The following CYP2C19 variants were observed in gnomAD, a reference collection of about 807,000 sequenced individuals.
CYP2C19 encodes the protein cytochrome P450 2C19.
A neutral mutation model predicts 40.9 loss-of-function variants in CYP2C19; 59 were observed. The ratio of observed to expected loss-of-function variants is 1.44; its 90% CI spans 1.17 to 1.79. The LOEUF (loss-of-function observed/expected upper bound fraction) is 1.79. CYP2C19 is among the 40% of genes most tolerant of loss of function. The pLI is 0.00. For synonymous variants in CYP2C19, 253 were observed against 208.7 expected (o/e 1.21, Z -1.83); for missense variants, 754 against 596.9 (o/e 1.26, Z -2.74).
chr10:94,843,085 G>C (rs1004971142), intron 7 of CYP2C19, 61 bp downstream of exon 7: 55 of 1,588,616 alleles, frequency 3.5e-5, no homozygotes, highest in Non-Finnish European at 4.6e-5. Context: ...TTCACAGTAT[G>C]ATTCTTACCC....
intron 5 of CYP2C19, among the ~76,000 whole-genome samples, chr10:94,814,341 T>A: frequency 6.6e-6 from 1 of 152,276 alleles, no homozygotes; most frequent in South Asian, 2.1e-4. Flanking sequence ...TGAGAGTTAT[T>A]ATGTCCCTTT....
rs189196673 is a variant in CYP2C19 at position 94,779,804 on chromosome 10, C to A, written c.482-695C>A. Among the ~76,000 whole-genome samples, 62 of 152,246 alleles carry A rather than the reference C, an allele frequency of 4.1e-4. 1 individual carries two copies. In the East Asian group the frequency reaches 0.011, roughly 28 times the overall value. On this transcript the variant is annotated intron_variant, in intron 3 of 8. Transcript: ENST00000371321. ...TGAACTCCTGACCTCAGGTGATCCA[C>A]CTGCCTTGGCCTCCCAAAGTGCTGG...
At chr10:94,816,557 A>T (rs147888698) in intron 5 of CYP2C19, among the ~76,000 whole-genome samples, 1,862 of 152,100 alleles carry the variant, frequency 0.012, 16 homozygotes, top group Non-Finnish European at 0.021. Context: ...TTACAAAAAC[A>T]TAAGGAAAAT....
chr10:94,846,077 T>A (rs1201664368), intron 7 of CYP2C19, among the ~76,000 whole-genome samples: 4 of 152,154 alleles, frequency 2.6e-5, no homozygotes, highest in Non-Finnish European at 4.4e-5. Flanking sequence ...AGCTTATATT[T>A]AAAATTTCCC....
Position 94,820,644 on chromosome 10 carries a change from T to A in CYP2C19, c.961+7T>A, listed in dbSNP as rs373898208. 1 of 1,614,156 alleles carries A rather than the reference T, an allele frequency of 6.2e-7. No homozygotes were observed. Among genetic ancestry groups the A allele is most frequent in the Non-Finnish European group, 8.5e-7 (1 of 1,180,014 alleles). On this transcript the variant is annotated splice_region_variant and intron_variant, in intron 6 of 8. Coordinates refer to ENST00000371321, the MANE Select transcript of CYP2C19 (RefSeq NM_000769.4). ...AAGCACCCAGAGGTCACAGGTATGA[T>A]CACAGAGGATGAGTTAATTGAGTTT... is the stretch of plus-strand genomic sequence containing the variant.
intron 5 of CYP2C19, among the ~76,000 whole-genome samples, chr10:94,784,453 T>C (rs1163562523): frequency 6.6e-6 from 1 of 152,114 alleles, no homozygotes; most frequent in African/African-American, 2.4e-5. Context: ...ATGTTTATCT[T>C]CTTGTATAAG....
intron 7 of CYP2C19, among the ~76,000 whole-genome samples, chr10:94,848,137 C>A (rs901081087): frequency 8.5e-5 from 13 of 152,182 alleles, no homozygotes; most frequent in African/African-American, 3.1e-4. Context: ...GTGTTTTAGA[C>A]ATGAAGTCCT....
chr10:94,817,672 G>A (rs1309648461), intron 5 of CYP2C19, among the ~76,000 whole-genome samples: 1 of 150,744 alleles, frequency 6.6e-6, no homozygotes, highest in Non-Finnish European at 1.5e-5. Context: ...TGTCCTGAAT[G>A]GTAATGCCTA....
At chr10:94,798,290 G>A (rs1589357922) in intron 5 of CYP2C19, among the ~76,000 whole-genome samples, 1 of 152,106 alleles carries the variant, frequency 6.6e-6, no homozygotes, top group African/African-American at 2.4e-5. Context: ...TTTCCAAGGG[G>A]TTGTGTGGTT....
At chr10:94,834,334 T>A (rs1019926811) in intron 6 of CYP2C19, among the ~76,000 whole-genome samples, 5 of 152,156 alleles carry the variant, frequency 3.3e-5, no homozygotes, top group Admixed American at 6.5e-5. Flanking sequence ...TTCTGCAGTA[T>A]CAGTTGTATT....
In CYP2C19 at chr10:94,814,181, T is replaced by A. The variant is rs1848967676; in HGVS notation, c.820-6315T>A. ...GTTGGAAATGCAGAAATCACCTACCTTCTTCATTGATCTCGCTGGGAGCTG... is the reference window on the plus strand; with the variant it reads ...GTTGGAAATGCAGAAATCACCTACCATCTTCATTGATCTCGCTGGGAGCTG... On this transcript the variant is annotated intron_variant, in intron 5 of 8. Transcript: ENST00000371321. Among the ~76,000 whole-genome samples the A allele has an allele frequency of 2.6e-5, 4 of 151,400 alleles. No homozygotes were observed. The Admixed American group carries it at 2.7e-4, about 10-fold the overall frequency.
At chr10:94,836,927 A>G (rs1849413468) in intron 6 of CYP2C19, among the ~76,000 whole-genome samples, 1 of 151,048 alleles carries the variant, frequency 6.6e-6, no homozygotes, top group Non-Finnish European at 1.5e-5. Context: ...TGCCTGGCCA[A>G]ATAGATGGGG....
chr10:94,809,695 T>C (rs548479404), intron 5 of CYP2C19, among the ~76,000 whole-genome samples: 1 of 152,190 alleles, frequency 6.6e-6, no homozygotes, highest in South Asian at 2.1e-4. Context: ...TAATTTTGGC[T>C]GTGGTTTGTC....
intron 8 of CYP2C19, among the ~76,000 whole-genome samples, chr10:94,850,768 C>G (rs554341948): frequency 6.6e-6 from 1 of 152,248 alleles, no homozygotes; most frequent in Admixed American, 6.5e-5. Flanking sequence ...GATATTGGCT[C>G]TAAATAAAGG....
intron 1 of CYP2C19, among the ~76,000 whole-genome samples, chr10:94,772,375 G>C (rs1848345428): frequency 2.0e-5 from 3 of 152,096 alleles, no homozygotes; most frequent in Admixed American, 6.5e-5. Flanking sequence ...GTTTATACTA[G>C]AAATCATTCA....
intron 5 of CYP2C19, among the ~76,000 whole-genome samples, chr10:94,811,069 T>C (rs1848915804): frequency 6.6e-6 from 1 of 152,226 alleles, no homozygotes; most frequent in African/African-American, 2.4e-5. Context: ...TCTTGGAGAT[T>C]CTGGTACACT....
chr10:94,849,042 A>C (rs577653785), intron 7 of CYP2C19, among the ~76,000 whole-genome samples: 86 of 152,220 alleles, frequency 5.6e-4, no homozygotes, highest in Non-Finnish European at 1.0e-3. Context: ...ATTAGACTTC[A>C]TCTTTTCCTA....
At chr10:94,791,771 G>A (rs944119876) in intron 5 of CYP2C19, among the ~76,000 whole-genome samples, 3 of 152,114 alleles carry the variant, frequency 2.0e-5, no homozygotes, top group Non-Finnish European at 4.4e-5. Flanking sequence ...TTGCTGAGGA[G>A]TGCTTTACTT....
chr10:94,842,908 A>G lies in CYP2C19; in HGVS notation c.1033A>G (p.Met345Val). The G allele has an allele frequency of 1.2e-6, 2 of 1,614,216 alleles. No individual in the cohort carries two copies. The highest frequency in any genetic ancestry group is 1.7e-6 in the Non-Finnish European group (2 of 1,180,030). ...RSPCMQDRGH[M>V]PYTDAVVHEV... ...CCCCTGCATGCAGGACAGGGGCCAC[A>G]TGCCCTACACAGATGCTGTGGTGCA... Residue 345 changes from methionine (M) to valine (V), a missense_variant, in exon 7 of 9, where the codon ATG becomes GTG. Transcript: ENST00000371321.
Sources: gnomAD v4.1 joint callset for allele counts (sites outside exome capture counted in the v4.1 genomes callset) on GRCh38, gnomAD v4.1.1 for gene constraint, MANE v1.5 for transcripts, NCBI Gene and HGNC (gene_info 2026-07-23, HGNC 2026-07-21) for gene names.